COG7: variants seen among roughly 807,000 people sequenced by gnomAD.
COG7 encodes conserved oligomeric Golgi complex subunit 7.
In COG7, 49 loss-of-function variants were observed where a neutral mutation model predicts 91.5. The observed-to-expected ratio is 0.54, with a 90% CI of 0.43 to 0.68. The LOEUF (loss-of-function observed/expected upper bound fraction) is 0.68. Among genes scored for constraint, COG7 ranks in the 30% least tolerant of loss-of-function variants. The probability of loss-of-function intolerance (pLI) is 0.00; values close to 1 mark genes in which losing one functional copy is unlikely to be tolerated. For synonymous variants in COG7, 365 were observed against 388.7 expected, an observed-to-expected ratio of 0.94 and a Z score of 0.72; for missense variants, 895 against 961.3, an observed-to-expected ratio of 0.93 and a Z score of 0.91.
chr16:23,451,154 C>G (rs747866548), intron 1 of COG7, among the ~76,000 whole-genome samples: 8 of 152,170 alleles, frequency 5.3e-5, no homozygotes, highest in Non-Finnish European at 1.0e-4. Flanking sequence ...GATGGCGCCA[C>G]TGCACTCCAG....
chr16:23,423,641 C>A (rs1963796554), intron 7 of COG7, among the ~76,000 whole-genome samples: 1 of 152,152 alleles, frequency 6.6e-6, no homozygotes, highest in Non-Finnish European at 1.5e-5. Context: ...GGAATCCGAA[C>A]AATAAACACA....
intron 13 of COG7, among the ~76,000 whole-genome samples, chr16:23,399,777 C>G (rs990783620): frequency 6.6e-6 from 1 of 152,120 alleles, no homozygotes; most frequent in Non-Finnish European, 1.5e-5. Context: ...TTACCTTGAA[C>G]AAGTAAATTG....
intron 4 of COG7, among the ~76,000 whole-genome samples, chr16:23,434,939 A>AT (rs963471310): frequency 1.1e-3 from 164 of 152,338 alleles, no homozygotes; most frequent in African/African-American, 3.7e-3. Flanking sequence ...CAGAATTCAT[A>AT]TTTTAACATG....
chr16:23,444,176 T>C (rs908755444), intron 3 of COG7, among the ~76,000 whole-genome samples: 1 of 150,990 alleles, frequency 6.6e-6, no homozygotes, highest in African/African-American at 2.4e-5. Flanking sequence ...AGGACTAAGG[T>C]GGGGGTCAGG....
chr16:23,418,588 A>T, intron 8 of COG7, 112 bp downstream of exon 8: 1 of 898,890 alleles, frequency 1.1e-6, no homozygotes, highest in Non-Finnish European at 1.8e-6. Flanking sequence ...ACAAGTGCTT[A>T]AAGGTCATAT....
intron 4 of COG7, among the ~76,000 whole-genome samples, chr16:23,440,085 C>CAA (rs11294739): frequency 1.1e-4 from 9 of 79,282 alleles, no homozygotes; most frequent in Admixed American, 2.7e-4. Flanking sequence ...CCCATCTATA[C>CAA]AAAAAAAAAA....
chr16:23,388,850 G>A lies in COG7; in HGVS notation c.*70C>T. 2 of 1,609,590 alleles carry A rather than the reference G, an allele frequency of 1.2e-6. No individual in the cohort carries two copies. The highest frequency in any genetic ancestry group is 4.5e-5 in the East Asian group (2 of 44,678). ...CTGCCCAATCTTGGGCAGAGTTTCTGAGCAAATCTGTGCTGGTGAGTCGCG... is the reference window on the plus strand; with the variant it reads ...CTGCCCAATCTTGGGCAGAGTTTCTAAGCAAATCTGTGCTGGTGAGTCGCG... On this transcript the variant is annotated 3_prime_UTR_variant, in exon 17 of 17. Transcript: ENST00000307149.
chr16:23,443,646 C>T (rs1250460755), intron 3 of COG7, among the ~76,000 whole-genome samples: 2 of 152,008 alleles, frequency 1.3e-5, no homozygotes, highest in African/African-American at 2.4e-5. Flanking sequence ...GAGCCGAGAT[C>T]ATGCCACTGG....
chr16:23,393,268 A>G lies in COG7; in HGVS notation c.1967T>C (p.Leu656Ser). ...AGGAAATGGCAGCTTTCCAGCGTGC[A>G]ATGCCAACTCTAAGGCAGAGTCCTC... The part of the protein sequence containing the change: ...TQEDSALELA[L>S]HAGKLPFPPE... The change falls in exon 15 of 17, where the codon TTG (leucine) becomes TCG (serine). Residue 656 changes from leucine to serine, a missense_variant. Transcript: ENST00000307149. 1 of 1,614,136 alleles carries G rather than the reference A, an allele frequency of 6.2e-7. No homozygotes were observed. Among genetic ancestry groups the G allele is most frequent in the Non-Finnish European group, 8.5e-7 (1 of 1,180,022 alleles).
Position 23,445,837 on chromosome 16 carries a change from T to A in COG7, c.294A>T (p.Glu98Asp). 1 of 1,613,802 alleles carries A rather than the reference T, an allele frequency of 6.2e-7. No individual in the cohort carries two copies. The highest frequency in any genetic ancestry group is 8.5e-7 in the Non-Finnish European group (1 of 1,179,936). ...CCTGCATGGATTGAGATGTGTCCTG[T>A]TCAAATTTTTTAATGTCCTCCTTGA... ...ILVKEDIKKF[E>D]QDTSQSMQVL... is the part of the protein sequence containing the mutation. Residue 98 changes from glutamate (E) to aspartate (D), a missense_variant, in exon 2 of 17, where the codon GAA becomes GAT. Glu to Asp is a conservative substitution (Grantham distance 45). Transcript: ENST00000307149.
intron 6 of COG7, among the ~76,000 whole-genome samples, chr16:23,429,267 G>C (rs933933193): frequency 3.9e-5 from 6 of 152,132 alleles, no homozygotes; most frequent in African/African-American, 1.2e-4. Flanking sequence ...TGAGATTACA[G>C]GTGTGAGCCA....
chr16:23,416,668 A>C, intron 9 of COG7: 2 of 423,946 alleles, frequency 4.7e-6, no homozygotes, highest in South Asian at 4.8e-5. Flanking sequence ...AACTTTGTTA[A>C]ATTTAACTTG....
intron 6 of COG7, among the ~76,000 whole-genome samples, chr16:23,429,323 C>A (rs1481418017): frequency 1.3e-5 from 2 of 151,972 alleles, no homozygotes; most frequent in Admixed American, 1.3e-4. Flanking sequence ...CATACACCTA[C>A]GATTTGACCC....
At chr16:23,402,441 T>TA (rs1317265395) in intron 13 of COG7, among the ~76,000 whole-genome samples, 1 of 152,170 alleles carries the variant, frequency 6.6e-6, no homozygotes, top group Non-Finnish European at 1.5e-5. Context: ...TCATTCTTCT[T>TA]AAAAATGAGA....
chr16:23,452,544 T>G (rs1403666103), intron 1 of COG7, among the ~76,000 whole-genome samples: 1 of 151,956 alleles, frequency 6.6e-6, no homozygotes, highest in South Asian at 2.1e-4. Context: ...AGAGACCCTG[T>G]TTCAAAAGAA....
intron 11 of COG7, among the ~76,000 whole-genome samples, chr16:23,407,277 C>T (rs1373059005): frequency 6.6e-6 from 1 of 152,192 alleles, no homozygotes; most frequent in Admixed American, 6.5e-5. Flanking sequence ...TTGAGCCAAC[C>T]AGTAACTTTG....
intron 7 of COG7, 57 bp from the exon 8 acceptor site, chr16:23,418,884 G>A: frequency 6.4e-7 from 1 of 1,551,436 alleles, no homozygotes; most frequent in Non-Finnish European, 8.9e-7. Context: ...AATTAACTGT[G>A]GGAAAGCAAC....
intron 10 of COG7, among the ~76,000 whole-genome samples, chr16:23,411,493 G>A (rs1963560602): frequency 1.3e-5 from 2 of 152,186 alleles, no homozygotes; most frequent in African/African-American, 4.8e-5. Context: ...TTAGCATCTA[G>A]AACATTACAT....
Position 23,406,166 on chromosome 16 carries a change from A to G in COG7, c.1572T>C (p.Ser524=). 1.2e-6 allele frequency: 2 copies of G among 1,614,152 alleles called. No homozygotes were observed. The highest frequency in any genetic ancestry group is 2.7e-5 in the African/African-American group (2 of 75,038). The change falls in exon 12 of 17, where the codon TCT becomes TCC. Residue 524 remains serine, a synonymous_variant. Coordinates refer to ENST00000307149, the MANE Select transcript of COG7 (RefSeq NM_153603.4). ...TATATTCTTGCCATGGGTTCTTGGC[A>G]GAGTTCTTCTTGTCTGTCAAGATGC... ...QESILTDKKN[S]AKNPWQEYNY...
Sources: allele counts gnomAD v4.1 joint callset (sites outside exome capture counted in the v4.1 genomes callset), GRCh38; gene constraint gnomAD v4.1.1; transcripts MANE v1.5; gene names NCBI Gene and HGNC (gene_info 2026-07-23, HGNC 2026-07-21).